Variants in PHACTR1 observed in about 807,000 individuals in gnomAD.
The protein encoded by PHACTR1 is phosphatase and actin regulator 1, also known as RPEL repeat containing 1.
A neutral mutation model predicts 69.2 loss-of-function variants in PHACTR1; 16 were observed. That is an observed-to-expected ratio of 0.23 (90% confidence interval 0.16 to 0.35). The LOEUF (loss-of-function observed/expected upper bound fraction) is 0.35. PHACTR1 is among the 10% of genes least tolerant of loss of function. The probability of loss-of-function intolerance (pLI) is 1.00; values close to 1 mark genes in which losing one functional copy is unlikely to be tolerated. For missense variants in PHACTR1, 510 were observed against 734.7 expected (o/e 0.69, Z 3.54); for synonymous variants, 312 against 284.5 (o/e 1.10, Z -0.97).
chr6:13,150,297 G>A (rs959463570), intron 5 of PHACTR1, among the ~76,000 whole-genome samples: 4 of 152,090 alleles, frequency 2.6e-5, no homozygotes, highest in African/African-American at 9.7e-5. Context: ...AGCCAAGATT[G>A]CACCACTGCA....
intron 4 of PHACTR1, among the ~76,000 whole-genome samples, chr6:12,961,077 G>C (rs966751016): frequency 6.6e-6 from 1 of 152,158 alleles, no homozygotes; most frequent in Admixed American, 6.5e-5. Flanking sequence ...CAGGGAAAGG[G>C]TTTCCTAAAA....
intron 4 of PHACTR1, among the ~76,000 whole-genome samples, chr6:12,949,269 C>CAAAAAAAAA (rs201027793): frequency 1.8e-5 from 1 of 57,016 alleles, no homozygotes; most frequent in African/African-American, 4.1e-5. Flanking sequence ...AACGTCATCT[C>CAAAAAAAAA]AAAAAAAAAA....
chr6:13,206,187 A>T, intron 8 of PHACTR1, 51 bp downstream of exon 8: 1 of 1,452,160 alleles, frequency 6.9e-7, no homozygotes, highest in East Asian at 2.5e-5. Flanking sequence ...TTGGCTGGGG[A>T]GGGGGGCCTA....
intron 4 of PHACTR1, among the ~76,000 whole-genome samples, chr6:12,948,355 A>G (rs2127550161): frequency 6.6e-6 from 1 of 152,342 alleles, no homozygotes; most frequent in East Asian, 1.9e-4. Flanking sequence ...AAAGGTGATT[A>G]AATAAAGAAA....
chr6:13,255,508 T>A (rs771679999), intron 10 of PHACTR1, among the ~76,000 whole-genome samples: 6 of 152,194 alleles, frequency 3.9e-5, no homozygotes. Flanking sequence ...AAAAGTCTTA[T>A]CTGAGACAAG....
At chr6:12,749,230 T>C (rs1324360478) in intron 3 of PHACTR1, among the ~76,000 whole-genome samples, 1 of 152,206 alleles carries the variant, frequency 6.6e-6, no homozygotes, top group African/African-American at 2.4e-5. Context: ...TGACTGGGCA[T>C]CTCTGCGTTG....
chr6:12,974,736 AG>A (rs1258533759), intron 4 of PHACTR1, among the ~76,000 whole-genome samples: 4 of 152,330 alleles, frequency 2.6e-5, no homozygotes, highest in East Asian at 1.9e-4. Context: ...GGTTTCCAAA[AG>A]GCTGACCCAG....
chr6:13,146,848 G>T (rs1311254458), intron 5 of PHACTR1, among the ~76,000 whole-genome samples: 2 of 152,146 alleles, frequency 1.3e-5, no homozygotes, highest in Non-Finnish European at 2.9e-5. Context: ...TTATTCCTGG[G>T]GGGAGTGTTA....
intron 4 of PHACTR1, among the ~76,000 whole-genome samples, chr6:12,794,374 G>C (rs1772716259): frequency 6.6e-6 from 1 of 152,322 alleles, no homozygotes; most frequent in East Asian, 1.9e-4. Context: ...GTACTTGGAT[G>C]GGGAAGAAAT....
intron 5 of PHACTR1, among the ~76,000 whole-genome samples, chr6:13,104,544 TA>T (rs1277998019): frequency 6.6e-6 from 1 of 152,230 alleles, no homozygotes; most frequent in African/African-American, 2.4e-5. Flanking sequence ...TTAGTTTTTT[TA>T]AAAGAGTCTG....
At chr6:12,875,676 A>G (rs1374820602) in intron 4 of PHACTR1, among the ~76,000 whole-genome samples, 1 of 152,174 alleles carries the variant, frequency 6.6e-6, no homozygotes, top group Non-Finnish European at 1.5e-5. Context: ...GGAAATCACT[A>G]TTGTGGAGAT....
At chr6:13,084,224 G>C (rs1181690833) in intron 5 of PHACTR1, among the ~76,000 whole-genome samples, 2 of 152,002 alleles carry the variant, frequency 1.3e-5, no homozygotes, top group East Asian at 3.9e-4. Flanking sequence ...GTCCTTTGTA[G>C]GGGCATGGAT....
At chr6:13,196,185 C>T (rs1481946771) in intron 7 of PHACTR1, among the ~76,000 whole-genome samples, 1 of 151,750 alleles carries the variant, frequency 6.6e-6, no homozygotes, top group African/African-American at 2.4e-5. Context: ...TGTGTATCCT[C>T]CAACAATTAA....
At chr6:12,952,179 T>C (rs1044839780) in intron 4 of PHACTR1, among the ~76,000 whole-genome samples, 5 of 152,190 alleles carry the variant, frequency 3.3e-5, no homozygotes, top group African/African-American at 1.2e-4. Context: ...ACAGCCTCCC[T>C]GTGGATAGCC....
At chr6:12,743,105 C>T (rs751582997) in intron 3 of PHACTR1, among the ~76,000 whole-genome samples, 14 of 151,858 alleles carry the variant, frequency 9.2e-5, no homozygotes, top group Non-Finnish European at 2.1e-4. Context: ...ATTACCCATT[C>T]CCTTTCGTTT....
chr6:13,152,729 G>A (rs1376367350), intron 5 of PHACTR1, among the ~76,000 whole-genome samples: 1 of 152,160 alleles, frequency 6.6e-6, no homozygotes, highest in Non-Finnish European at 1.5e-5. Flanking sequence ...CTTCAGGTAT[G>A]GTGAGGCCAA....
intron 4 of PHACTR1, among the ~76,000 whole-genome samples, chr6:12,793,580 C>A (rs1772604636): frequency 6.6e-6 from 1 of 152,156 alleles, no homozygotes. Context: ...GTGCTGTAAG[C>A]TCTGATTGTA....
At chr6:12,957,301 C>T in intron 4 of PHACTR1, 1 of 896,006 alleles carries the variant, frequency 1.1e-6, no homozygotes, top group Non-Finnish European at 1.3e-6. Context: ...TCCAGACTTC[C>T]AAGCTGCATT....
chr6:12,953,444 G>A lies in PHACTR1; in HGVS notation c.251-99921G>A, dbSNP rs531145963. Among the ~76,000 whole-genome samples the A allele has an allele frequency of 2.4e-3, 371 of 152,324 alleles. 2 individuals are homozygous for A. Among genetic ancestry groups the A allele is most frequent in the Non-Finnish European group, 4.5e-3 (303 of 68,024 alleles). ...AAAATTTGGAAGCTTTAAAGAGTCA[G>A]AGACACTAAAAATATAAAACAAAAA... On this transcript the variant is annotated intron_variant, in intron 4 of 14. Coordinates refer to ENST00000332995, the MANE Select transcript of PHACTR1 (RefSeq NM_030948.6).
Sources: allele counts gnomAD v4.1 joint callset (sites outside exome capture counted in the v4.1 genomes callset), GRCh38; gene constraint gnomAD v4.1.1; transcripts MANE v1.5; gene names NCBI Gene and HGNC (gene_info 2026-07-23, HGNC 2026-07-21).